Variants in TNC observed in about 807,000 individuals in gnomAD.
TNC encodes the protein tenascin C, also known as tenascin.
Under a neutral mutation model 202.4 loss-of-function variants are expected in TNC, and 109 were observed. That is an observed-to-expected ratio of 0.54 (90% CI 0.46 to 0.63). The LOEUF is 0.63. TNC is among the 30% of genes least tolerant of loss of function. TNC has a pLI of 0.00. For missense variants in TNC, 2,756 were observed against 2,833.3 expected, an observed-to-expected ratio of 0.97 and a Z score of 0.62; for synonymous variants, 1,007 against 1,089.7, an observed-to-expected ratio of 0.92 and a Z score of 1.50.
chr9:115,043,820 G>A (rs1051301885), intron 17 of TNC, among the ~76,000 whole-genome samples: 1 of 152,140 alleles, frequency 6.6e-6, no homozygotes, highest in Non-Finnish European at 1.5e-5. Context: ...TGGTGTACTC[G>A]CACTATTGCT....
intron 19 of TNC, among the ~76,000 whole-genome samples, chr9:115,039,899 G>C (rs1208116488): frequency 2.0e-5 from 3 of 152,242 alleles, no homozygotes; most frequent in Non-Finnish European, 4.4e-5. Context: ...CAGGGTGGAC[G>C]GGACTCTGGG....
In TNC at chr9:115,057,418, T is replaced by C. The variant is rs1832217057; in HGVS notation, c.4314A>G (p.Glu1438=). The C allele has an allele frequency of 6.2e-7, 1 of 1,607,386 alleles. No homozygotes were observed. Among genetic ancestry groups the C allele is most frequent in the African/African-American group, 1.3e-5 (1 of 74,820 alleles). ...VLSAEASTAK[E]PEIGNLNVSD... ...AAACATTTAAGTTTCCAATTTCAGG[T>C]TCTTTGGCTGTAAAAGGAAGGGGTA... The change falls in exon 15 of 28, where the codon GAA becomes GAG. Residue 1438 remains glutamate (E), a synonymous_variant. Coordinates refer to ENST00000350763, the MANE Select transcript of TNC (RefSeq NM_002160.4).
chr9:115,074,913 G>A (rs958502406), intron 9 of TNC, among the ~76,000 whole-genome samples: 2 of 152,140 alleles, frequency 1.3e-5, no homozygotes, highest in East Asian at 3.8e-4. Context: ...TATGCAAGAC[G>A]CTACCCTTGG....
chr9:115,057,238 T>C lies in TNC; in HGVS notation c.4494A>G (p.Leu1498=), dbSNP rs1367723155. Residue 1498 remains leucine, a synonymous_variant, in exon 15 of 28, where the codon CTA becomes CTG. Coordinates refer to ENST00000350763, the MANE Select transcript of TNC (RefSeq NM_002160.4). ...GAERTAHISG[L]PPSTDFIVYL... ...AGACAATAAAATCAGTACTAGGGGG[T>C]AGCCCTGAGATATGGGCAGTTCGTT... is the stretch of plus-strand genomic sequence containing the variant. 19 of 1,614,064 alleles carry C rather than the reference T, an allele frequency of 1.2e-5. 2 individuals are homozygous for C. In the Admixed American group the frequency reaches 3.2e-4, roughly 27 times the overall value.
intron 13 of TNC, among the ~76,000 whole-genome samples, chr9:115,061,408 T>C (rs115988939): frequency 1.1e-4 from 17 of 152,274 alleles, no homozygotes; most frequent in African/African-American, 4.1e-4. Context: ...GTAGGGTTCC[T>C]TGGAAGATTT....
intron 17 of TNC, among the ~76,000 whole-genome samples, chr9:115,044,802 G>A (rs1831053376): frequency 6.6e-6 from 1 of 152,062 alleles, no homozygotes; most frequent in African/African-American, 2.4e-5. Flanking sequence ...CCTCTTACTA[G>A]GTTGCTGCCT....
intron 5 of TNC, 22 bp from the exon 6 acceptor site, chr9:115,081,950 G>A (rs1355267989): frequency 4.4e-6 from 7 of 1,576,382 alleles, no homozygotes; most frequent in Non-Finnish European, 5.1e-6. Context: ...AGGCAGCTTG[G>A]TAAGAGTTAG....
intron 1 of TNC, among the ~76,000 whole-genome samples, chr9:115,105,421 G>T (rs936755907): frequency 1.3e-5 from 2 of 152,162 alleles, no homozygotes; most frequent in African/African-American, 4.8e-5. Context: ...TGAGGTAGTT[G>T]TCTTTATTTT....
intron 23 of TNC, among the ~76,000 whole-genome samples, chr9:115,031,158 A>G (rs1038901178): frequency 2.0e-5 from 3 of 152,224 alleles, no homozygotes; most frequent in Admixed American, 6.5e-5. Flanking sequence ...CTGACAATAA[A>G]AGGACCACAC....
chr9:115,036,867 T>C (rs1830371608), intron 20 of TNC, among the ~76,000 whole-genome samples: 1 of 152,050 alleles, frequency 6.6e-6, no homozygotes, highest in African/African-American at 2.4e-5. Flanking sequence ...ATTTCCTAGG[T>C]GTGGAACTTC....
chr9:115,025,287 G>T (rs1829392403), intron 26 of TNC, among the ~76,000 whole-genome samples: 1 of 152,122 alleles, frequency 6.6e-6, no homozygotes. Context: ...TTCTTTGAGG[G>T]ATTCAAGAAC....
At position 115,045,263 on chromosome 9, in the gene TNC, T is replaced by C. The variant is rs77377664; in HGVS notation, c.5125+1147A>G. On this transcript the variant is annotated intron_variant, in intron 17 of 27. Coordinates refer to ENST00000350763, the MANE Select transcript of TNC (RefSeq NM_002160.4). ...TGTCTCTGCATCTCCCTCAGTTTCA[T>C]GAAATAATTTACTTGACTTGTTGGA... Among the ~76,000 whole-genome samples, 3 of 152,250 alleles carry C rather than the reference T, an allele frequency of 2.0e-5. No individual in the cohort carries two copies. In the East Asian group the frequency reaches 5.8e-4, roughly 29 times the overall value.
At chr9:115,101,228 T>C (rs1471533889) in intron 1 of TNC, among the ~76,000 whole-genome samples, 1 of 152,220 alleles carries the variant, frequency 6.6e-6, no homozygotes, top group African/African-American at 2.4e-5. Flanking sequence ...TATTTATTTT[T>C]TGAGATGAAG....
chr9:115,046,606 A>C lies in TNC; in HGVS notation c.4929T>G (p.Asp1643Glu). 6.2e-7 allele frequency: 1 copy of C among 1,614,054 alleles called. No individual in the cohort carries two copies. The highest frequency in any genetic ancestry group is 8.5e-7 in the Non-Finnish European group (1 of 1,179,992). ...GAACAAAATTGTCGAAGACCCCTTC[A>C]TCAGCTGTCCAGGACAGACGGAAAC... ...PDGFRLSWTA[D>E]EGVFDNFVLK... The change falls in exon 17 of 28, where the codon GAT (aspartate) becomes GAG (glutamate). Residue 1643 changes from aspartate (D) to glutamate (E), a missense_variant. Asp to Glu is a conservative substitution (Grantham distance 45). Coordinates refer to ENST00000350763, the MANE Select transcript of TNC (RefSeq NM_002160.4).
intron 10 of TNC, among the ~76,000 whole-genome samples, chr9:115,072,711 T>C (rs1833553703): frequency 6.6e-6 from 1 of 152,214 alleles, no homozygotes; most frequent in Admixed American, 6.5e-5. Context: ...TGGGAACTAC[T>C]TTTCCTCAAA....
Position 115,048,016 on chromosome 9 carries a change from G to A in TNC, c.4852+244C>T, listed in dbSNP as rs72758642. ...ACACAAGAGCTATGGACAAGACAAG[G>A]TCTAAAGGATTTTGAATACAAAGCA... On this transcript the variant is annotated intron_variant, in intron 16 of 27. Coordinates refer to ENST00000350763, the MANE Select transcript of TNC (RefSeq NM_002160.4). Among the ~76,000 whole-genome samples the A allele has an allele frequency of 0.12, 18,994 of 152,168 alleles. 1,401 individuals carry two copies. Among genetic ancestry groups the A allele is most frequent in the Non-Finnish European group, 0.18 (11,936 of 67,988 alleles).
At chr9:115,038,480 A>T in intron 19 of TNC, 100 bp from the exon 20 acceptor site, 1 of 1,458,514 alleles carries the variant, frequency 6.9e-7, no homozygotes, top group Admixed American at 2.1e-5. Context: ...TGATGTTAGG[A>T]CAGTGTCAGC....
At chr9:115,067,546 G>A (rs564646817) in intron 10 of TNC, among the ~76,000 whole-genome samples, 4 of 152,076 alleles carry the variant, frequency 2.6e-5, no homozygotes, top group Admixed American at 2.6e-4. Context: ...TACCTTACGG[G>A]GGGTGGGGGA....
At position 115,090,588 on chromosome 9, in the gene TNC, GC is replaced by G; in HGVS notation, c.430del (p.Ala144GlnfsTer89). Reference protein sequence around the residue: ...SSLREQCTAGAGCCLQPATGR... With the variant: ...SSLREQCTAGXGCCLQPATGR... ...TGTGGCAGGCTGGAGACAGCAGCCT[GC>G]TCCTGCAGTACATTGCTCCCTCAGG... On this transcript the variant is annotated frameshift_variant, in exon 2 of 28. Coordinates refer to ENST00000350763, the MANE Select transcript of TNC (RefSeq NM_002160.4). LOFTEE classifies it high-confidence loss of function. 1 of 1,585,022 alleles carries G rather than the reference GC, an allele frequency of 6.3e-7. No individual in the cohort carries two copies. Among genetic ancestry groups the G allele is most frequent in the South Asian group, 1.2e-5 (1 of 85,770 alleles).
Sources: allele counts gnomAD v4.1 joint callset (sites outside exome capture counted in the v4.1 genomes callset), GRCh38; gene constraint gnomAD v4.1.1; transcripts MANE v1.5; gene names NCBI Gene and HGNC (gene_info 2026-07-23, HGNC 2026-07-21).